ARAP2: variants seen among roughly 807,000 people sequenced by gnomAD.
The protein encoded by ARAP2 is ArfGAP with RhoGAP domain, ankyrin repeat and PH domain 2, also known as arf-GAP with Rho-GAP domain, ANK repeat and PH domain-containing protein 2.
ARAP2 carries 148 observed loss-of-function variants against 194.5 expected under a neutral mutation model. The observed-to-expected ratio is 0.76, with a 90% confidence interval of 0.67 to 0.87. ARAP2 has a LOEUF of 0.87. ARAP2 is among the 40% of genes least tolerant of loss of function. The pLI, the probability that ARAP2 is intolerant of heterozygous loss-of-function variation, is 0.00. For synonymous variants in ARAP2, 695 were observed against 683.5 expected, an observed-to-expected ratio of 1.02 and a Z score of -0.26; for missense variants, 2,128 against 1,989.7, an observed-to-expected ratio of 1.07 and a Z score of -1.32.
intron 9 of ARAP2, among the ~76,000 whole-genome samples, chr4:36,177,254 TTTTA>T (rs149408384): frequency 6.6e-6 from 1 of 152,254 alleles, no homozygotes; most frequent in East Asian, 1.9e-4. Context: ...TTTTAATCGA[TTTTA>T]TTTATGTAGA....
intron 19 of ARAP2, among the ~76,000 whole-genome samples, chr4:36,139,303 A>G (rs1727643752): frequency 6.6e-6 from 1 of 151,620 alleles, no homozygotes; most frequent in Admixed American, 6.6e-5. Context: ...TGTTAAATTC[A>G]TTGGTATGAA....
intron 1 of ARAP2, among the ~76,000 whole-genome samples, chr4:36,235,596 C>G (rs1324469247): frequency 1.3e-5 from 2 of 152,226 alleles, no homozygotes; most frequent in Non-Finnish European, 2.9e-5. Context: ...TATCTGTTGA[C>G]TGCTCTGAGA....
At chr4:36,121,037 TA>T (rs963057115) in intron 23 of ARAP2, 141 bp downstream of exon 23, 18 of 625,436 alleles carry the variant, frequency 2.9e-5, no homozygotes, top group South Asian at 1.3e-4. Flanking sequence ...ATCTATAATT[TA>T]AAAAAATATG....
chr4:36,045,316 T>TA (rs1384347129), intron 5 of ARAP2, among the ~76,000 whole-genome samples: 1 of 151,964 alleles, frequency 6.6e-6, no homozygotes, highest in African/African-American at 2.4e-5. Context: ...GATAAGTGGG[T>TA]AAAAAAACAT....
chr4:36,026,267 C>T (rs1262701803), intron 5 of ARAP2, among the ~76,000 whole-genome samples: 1 of 152,166 alleles, frequency 6.6e-6, no homozygotes, highest in Non-Finnish European at 1.5e-5. Context: ...AACTGTCAGA[C>T]ACCTTAGAAA....
At position 36,159,337 on chromosome 4, in the gene ARAP2, A is replaced by AT; in HGVS notation, c.2610dup (p.Phe871IlefsTer8). On this transcript the variant is annotated frameshift_variant, in exon 14 of 33. Coordinates refer to ENST00000303965, the MANE Select transcript of ARAP2 (RefSeq NM_015230.4). LOFTEE classifies it high-confidence loss of function. The stretch of plus-strand genomic sequence containing the variant: ...TGAAGAGACAGTGACGAACCTGAGA[A>AT]TTTGTTATGGTAGAGAAATTCCATT... 6.3e-7 allele frequency: 1 copy of AT among 1,598,470 alleles called. No homozygotes were observed. The highest frequency in any genetic ancestry group is 8.5e-7 in the Non-Finnish European group (1 of 1,170,594).
At chr4:36,147,920 C>T (rs1421049071) in intron 17 of ARAP2, among the ~76,000 whole-genome samples, 174 bp from the exon 18 acceptor site, 1 of 152,152 alleles carries the variant, frequency 6.6e-6, no homozygotes, top group Non-Finnish European at 1.5e-5. Flanking sequence ...AACTGAACAA[C>T]TATAATGCAT....
chr4:36,146,923 C>T (rs973288358), intron 19 of ARAP2, among the ~76,000 whole-genome samples: 10 of 152,008 alleles, frequency 6.6e-5, no homozygotes, highest in African/African-American at 2.4e-4. Flanking sequence ...TTTAGCTATG[C>T]ATGACCCACA....
intron 5 of ARAP2, among the ~76,000 whole-genome samples, chr4:36,029,872 A>G (rs1718622062): frequency 6.6e-6 from 1 of 151,932 alleles, no homozygotes; most frequent in African/African-American, 2.4e-5. Flanking sequence ...TTATGTAACC[A>G]TTGCTGAGTG....
chr4:36,237,815 C>T (rs1462199030), intron 1 of ARAP2, among the ~76,000 whole-genome samples: 4 of 152,084 alleles, frequency 2.6e-5, no homozygotes, highest in East Asian at 1.9e-4. Flanking sequence ...AAATAGGTAC[C>T]GTGTTATTTG....
At chr4:36,128,503 C>CACACACACACAT (rs372054639) in intron 21 of ARAP2, 30 bp downstream of exon 21, 2 of 1,512,296 alleles carry the variant, frequency 1.3e-6, no homozygotes, top group East Asian at 2.3e-5. Context: ...CACACACACA[C>CACACACACACAT]ATATCTACAA....
chr4:36,212,542 G>A, intron 4 of ARAP2, 55 bp from the exon 5 acceptor site: 2 of 1,293,784 alleles, frequency 1.5e-6, no homozygotes, highest in Non-Finnish European at 2.2e-6. Context: ...TTTGGTTTGG[G>A]GATTTGTTTG....
chr4:36,035,047 T>A (rs540837436), intron 5 of ARAP2, among the ~76,000 whole-genome samples: 1 of 152,218 alleles, frequency 6.6e-6, no homozygotes, highest in East Asian at 1.9e-4. Flanking sequence ...TGAAGGTTTT[T>A]GGTGGTGTTG....
intron 9 of ARAP2, among the ~76,000 whole-genome samples, chr4:36,169,685 C>T (rs952108002): frequency 1.1e-4 from 16 of 152,098 alleles, no homozygotes; most frequent in African/African-American, 3.9e-4. Context: ...GTGTGCACCA[C>T]CAGGCCCAGC....
chr4:36,031,981 T>C (rs1053897754), intron 5 of ARAP2, among the ~76,000 whole-genome samples: 1 of 152,186 alleles, frequency 6.6e-6, no homozygotes, highest in African/African-American at 2.4e-5. Flanking sequence ...GTTTCTCAAC[T>C]GCTAATTCAT....
chr4:36,217,184 A>G (rs1209025669), intron 2 of ARAP2, among the ~76,000 whole-genome samples: 1 of 152,198 alleles, frequency 6.6e-6, no homozygotes, highest in Non-Finnish European at 1.5e-5. Context: ...AACTTTATAT[A>G]TATATTTTTT....
intron 3 of ARAP2, among the ~76,000 whole-genome samples, chr4:36,048,886 A>C (rs1467481377): frequency 6.6e-6 from 1 of 152,086 alleles, no homozygotes; most frequent in Admixed American, 6.6e-5. Flanking sequence ...CTGTCATTTT[A>C]AAAATACTTT....
At position 36,242,083 on chromosome 4, in the gene ARAP2, T is replaced by G. The variant is rs140799408; in HGVS notation, c.-160+2096A>C. 1.0e-3 allele frequency among the ~76,000 whole-genome samples: 153 copies of G among 152,320 alleles called. 1 individual carries two copies. The highest frequency in any genetic ancestry group is 3.6e-3 in the African/African-American group (148 of 41,564). The stretch of plus-strand genomic sequence containing the variant: ...GGTTTAACTACCATTATATATTTAA[T>G]CTGGCCAATACTTACAAGTAATAAC... On this transcript the variant is annotated intron_variant, in intron 1 of 32. Transcript: ENST00000303965.
chr4:36,032,194 C>T (rs992333045), intron 5 of ARAP2, among the ~76,000 whole-genome samples: 2 of 152,090 alleles, frequency 1.3e-5, no homozygotes, highest in Non-Finnish European at 2.9e-5. Flanking sequence ...GGGATAGTTA[C>T]TAAATTGGCC....
Sources: allele counts gnomAD v4.1 joint callset (sites outside exome capture counted in the v4.1 genomes callset), GRCh38; gene constraint gnomAD v4.1.1; transcripts MANE v1.5; gene names NCBI Gene and HGNC (gene_info 2026-07-23, HGNC 2026-07-21).